Variants in NCKAP5 observed in about 807,000 individuals in gnomAD.
The protein encoded by NCKAP5 is nck-associated protein 5.
A neutral mutation model predicts 167.0 loss-of-function variants in NCKAP5; 92 were observed. That is an observed-to-expected ratio of 0.55 (90% CI 0.47 to 0.66). NCKAP5 has a LOEUF of 0.66. Among genes scored for constraint, NCKAP5 ranks in the 30% least tolerant of loss-of-function variants. The pLI is 0.00. For synonymous variants in NCKAP5, 891 were observed against 877.4 expected (o/e 1.02, Z -0.27); for missense variants, 2,378 against 2,315.0 (o/e 1.03, Z -0.56).
At chr2:132,726,901 C>G (rs1690503933) in intron 18 of NCKAP5, among the ~76,000 whole-genome samples, 1 of 152,198 alleles carries the variant, frequency 6.6e-6, no homozygotes, top group African/African-American at 2.4e-5. Context: ...GACTGTAGTT[C>G]TGGGTAACGT....
chr2:132,743,309 G>A (rs1679363465), intron 16 of NCKAP5, among the ~76,000 whole-genome samples: 1 of 151,726 alleles, frequency 6.6e-6, no homozygotes, highest in African/African-American at 2.4e-5. Flanking sequence ...CAGGGCAGAT[G>A]TATATTAAAG....
intron 3 of NCKAP5, among the ~76,000 whole-genome samples, chr2:133,420,710 G>GT (rs964996443): frequency 1.3e-5 from 2 of 152,108 alleles, no homozygotes; most frequent in African/African-American, 2.4e-5. Flanking sequence ...AGTCTGATGT[G>GT]TTTTTTTATA....
chr2:132,771,148 T>C (rs937089101), intron 16 of NCKAP5, among the ~76,000 whole-genome samples: 1 of 152,198 alleles, frequency 6.6e-6, no homozygotes, highest in African/African-American at 2.4e-5. Context: ...AAGAAGACAC[T>C]GTTATCACAG....
intron 2 of NCKAP5, among the ~76,000 whole-genome samples, chr2:133,531,981 T>C (rs1168928981): frequency 6.6e-6 from 1 of 152,186 alleles, no homozygotes; most frequent in Admixed American, 6.5e-5. Flanking sequence ...CACTCCCCTG[T>C]AGTAGGAAAG....
At chr2:133,124,803 G>A (rs115219430) in intron 6 of NCKAP5, among the ~76,000 whole-genome samples, 18 of 152,306 alleles carry the variant, frequency 1.2e-4, no homozygotes, top group South Asian at 4.1e-4. Flanking sequence ...TCACCAGCAC[G>A]TTGGGAGACT....
In NCKAP5 at chr2:133,182,369, G is replaced by A. The variant is rs188367674; in HGVS notation, c.207+31347C>T. Among the ~76,000 whole-genome samples the A allele has an allele frequency of 8.8e-4, 134 of 152,210 alleles. 1 individual carries two copies. The highest frequency in any genetic ancestry group is 2.9e-3 in the African/African-American group (119 of 41,516). Reference sequence around the variant, plus strand: ...TGCCCAGGGAACATTTGCCAAGATAGACCATATCCTGAGCCATAAAAAACT... The same window carrying A: ...TGCCCAGGGAACATTTGCCAAGATAAACCATATCCTGAGCCATAAAAAACT... On this transcript the variant is annotated intron_variant, in intron 5 of 19. Transcript: ENST00000409261.
At chr2:132,820,357 G>C (rs936021937) in intron 11 of NCKAP5, among the ~76,000 whole-genome samples, 2 of 151,898 alleles carry the variant, frequency 1.3e-5, no homozygotes, top group Admixed American at 6.6e-5. Context: ...AGCCACCCGA[G>C]TAGCTGGGAC....
At chr2:133,632,510 T>C in the NCKAP5 span, among the ~76,000 whole-genome samples, 1 of 152,242 alleles carries the variant, frequency 6.6e-6, no homozygotes, top group Non-Finnish European at 1.5e-5. Flanking sequence ...TACTTTTTTA[T>C]ACTTTCCACA....
At chr2:133,110,056 C>T (rs2081857026) in intron 6 of NCKAP5, among the ~76,000 whole-genome samples, 1 of 152,188 alleles carries the variant, frequency 6.6e-6, no homozygotes, top group African/African-American at 2.4e-5. Flanking sequence ...GCCAGCCTTG[C>T]AGCAACAGAG....
Position 133,294,545 on chromosome 2 carries a change from C to T in NCKAP5, c.143+8492G>A, listed in dbSNP as rs182357867. ...AGGATAGAATAATGGCATGTGGCCT[C>T]GCAGCAAGCAATTTCTCTCTCTCAA... is the stretch of plus-strand genomic sequence containing the variant. On this transcript the variant is annotated intron_variant, in intron 4 of 19. Coordinates refer to ENST00000409261, the MANE Select transcript of NCKAP5 (RefSeq NM_207363.3). 1.3e-3 allele frequency among the ~76,000 whole-genome samples: 191 copies of T among 152,246 alleles called. 1 individual carries two copies. The highest frequency in any genetic ancestry group is 4.3e-3 in the African/African-American group (177 of 41,532).
intron 3 of NCKAP5, among the ~76,000 whole-genome samples, chr2:133,405,591 G>T (rs1356457869): frequency 6.6e-6 from 1 of 152,242 alleles, no homozygotes; most frequent in East Asian, 1.9e-4. Context: ...GTCTAAGTCT[G>T]CAAGTGATAG....
chr2:133,203,206 AG>A (rs2085782323), intron 5 of NCKAP5, among the ~76,000 whole-genome samples: 1 of 152,220 alleles, frequency 6.6e-6, no homozygotes, highest in Non-Finnish European at 1.5e-5. Flanking sequence ...AATACTATGC[AG>A]CCATAAAAAA....
At chr2:133,603,081 C>T in the NCKAP5 span, among the ~76,000 whole-genome samples, 1 of 152,038 alleles carries the variant, frequency 6.6e-6, no homozygotes, top group African/African-American at 2.4e-5. Flanking sequence ...TATCGGATAG[C>T]CAAAAAGTTA....
rs1366668623 is a variant in NCKAP5 at position 133,031,279 on chromosome 2, A to G, written c.342-37040T>C. 4.0e-5 allele frequency among the ~76,000 whole-genome samples: 6 copies of G among 151,428 alleles called. No individual in the cohort carries two copies. In the East Asian group the frequency reaches 6.0e-4, roughly 15 times the overall value. The stretch of plus-strand genomic sequence containing the variant: ...GCAGCAGAGGCATGGTGCCAATAGC[A>G]TCTCTTGGTGCTGGGGGAGGGAGAA... On this transcript the variant is annotated intron_variant, in intron 6 of 19. Coordinates refer to ENST00000409261, the MANE Select transcript of NCKAP5 (RefSeq NM_207363.3).
chr2:133,166,470 G>A (rs1424927767), intron 5 of NCKAP5, among the ~76,000 whole-genome samples: 1 of 152,120 alleles, frequency 6.6e-6, no homozygotes, highest in Non-Finnish European at 1.5e-5. Flanking sequence ...TTGGGGCTTA[G>A]TCATTCTTAT....
intron 3 of NCKAP5, among the ~76,000 whole-genome samples, chr2:133,496,281 T>C (rs1164640492): frequency 6.6e-6 from 1 of 152,192 alleles, no homozygotes; most frequent in Admixed American, 6.5e-5. Context: ...AGCTACTTGT[T>C]CATTTCTTAC....
At chr2:133,521,403 G>A (rs546479812) in intron 2 of NCKAP5, among the ~76,000 whole-genome samples, 225 of 152,352 alleles carry the variant, frequency 1.5e-3, no homozygotes, top group Middle Eastern at 3.4e-3. Flanking sequence ...AACTAAAAAT[G>A]ACAGTTTGAC....
At chr2:133,144,031 T>C (rs2083097227) in intron 5 of NCKAP5, among the ~76,000 whole-genome samples, 1 of 152,066 alleles carries the variant, frequency 6.6e-6, no homozygotes. Context: ...TTAGAGATTG[T>C]AGGGTATAGA....
At chr2:133,352,543 A>G (rs1205284482) in intron 3 of NCKAP5, among the ~76,000 whole-genome samples, 1 of 152,164 alleles carries the variant, frequency 6.6e-6, no homozygotes, top group Non-Finnish European at 1.5e-5. Context: ...GGAAGAGGAG[A>G]AAGAATTAGC....
Sources: allele counts gnomAD v4.1 joint callset (sites outside exome capture counted in the v4.1 genomes callset), GRCh38; gene constraint gnomAD v4.1.1; transcripts MANE v1.5; gene names NCBI Gene and HGNC (gene_info 2026-07-23, HGNC 2026-07-21).